CAB39: variants seen among roughly 807,000 people sequenced by gnomAD.
CAB39 encodes calcium binding protein 39.
In CAB39, 8 loss-of-function variants were observed where a neutral mutation model predicts 40.0. The observed-to-expected ratio is 0.20, with a 90% CI of 0.12 to 0.36. The LOEUF is 0.36. Ranked by LOEUF, CAB39 falls within the 10% of genes least tolerant of loss-of-function variation. CAB39 has a pLI of 1.00. For synonymous variants in CAB39, 156 were observed against 141.6 expected (o/e 1.10, Z -0.72); for missense variants, 270 against 401.1 (o/e 0.67, Z 2.79).
chr2:230,782,813 C>CTTTCTTTCTTTCT (rs1286339069), intron 2 of CAB39, among the ~76,000 whole-genome samples: 18 of 81,766 alleles, frequency 2.2e-4, no homozygotes, highest in East Asian at 5.9e-4. Context: ...TTCTTTCTTT[C>CTTTCTTTCTTTCT]TTTTTTTTTT....
At chr2:230,809,716 G>A (rs1172397758) in intron 5 of CAB39, among the ~76,000 whole-genome samples, 1 of 152,118 alleles carries the variant, frequency 6.6e-6, no homozygotes, top group Non-Finnish European at 1.5e-5. Flanking sequence ...CTACGTTATC[G>A]TACCAACATT....
chr2:230,754,318 C>CCTT (rs1288729697), intron 1 of CAB39, among the ~76,000 whole-genome samples: 4 of 149,894 alleles, frequency 2.7e-5, no homozygotes, highest in East Asian at 3.9e-4. Context: ...CTTCCTTCTT[C>CCTT]CTTCTTCCTT....
intron 1 of CAB39, among the ~76,000 whole-genome samples, chr2:230,715,957 A>G (rs1694341869): frequency 1.3e-5 from 2 of 152,190 alleles, no homozygotes; most frequent in South Asian, 2.1e-4. Flanking sequence ...TTGTCCTCCC[A>G]AAGTGCAGGG....
In CAB39 at chr2:230,753,643, A is replaced by C. The variant is rs942068149; in HGVS notation, c.-43-6316A>C. 3.3e-5 allele frequency among the ~76,000 whole-genome samples: 5 copies of C among 151,282 alleles called. No homozygotes were observed. In the East Asian group the frequency reaches 9.8e-4, roughly 30 times the overall value. On this transcript the variant is annotated intron_variant, in intron 1 of 8. Coordinates refer to ENST00000258418, the MANE Select transcript of CAB39 (RefSeq NM_016289.4). ...GTGCCTCTAGTCCCAGCTACTGGGGAGGCTGAGGCAGAATTGCTTGAACCC... is the reference window on the plus strand; with the variant it reads ...GTGCCTCTAGTCCCAGCTACTGGGGCGGCTGAGGCAGAATTGCTTGAACCC...
intron 1 of CAB39, among the ~76,000 whole-genome samples, chr2:230,756,828 G>T (rs1005633254): frequency 3.3e-5 from 5 of 152,076 alleles, no homozygotes; most frequent in Admixed American, 2.6e-4. Flanking sequence ...GAGTAGCTGG[G>T]ATTACAGGCA....
intron 2 of CAB39, among the ~76,000 whole-genome samples, chr2:230,786,163 C>CAA (rs369510604): frequency 0.011 from 819 of 71,506 alleles, 7 homozygotes; most frequent in African/African-American, 0.017. Flanking sequence ...GACTCTGTCT[C>CAA]AAAAAAAAAA....
chr2:230,729,671 T>C (rs1002790907), intron 1 of CAB39, among the ~76,000 whole-genome samples: 32 of 152,010 alleles, frequency 2.1e-4, no homozygotes, highest in African/African-American at 7.7e-4. Flanking sequence ...GAGAACAGCT[T>C]GAACCCGGGA....
At chr2:230,789,308 A>G (rs1695851750) in intron 2 of CAB39, among the ~76,000 whole-genome samples, 1 of 152,016 alleles carries the variant, frequency 6.6e-6, no homozygotes, top group East Asian at 1.9e-4. Context: ...AACTATTTTA[A>G]TGTCCTTATT....
intron 6 of CAB39, among the ~76,000 whole-genome samples, chr2:230,813,779 C>G (rs917481814): frequency 6.6e-6 from 1 of 152,000 alleles, no homozygotes; most frequent in African/African-American, 2.4e-5. Context: ...GCTCTGTCTG[C>G]AGGCCTGGCT....
At chr2:230,720,028 A>G (rs1172769836) in intron 1 of CAB39, among the ~76,000 whole-genome samples, 1 of 152,220 alleles carries the variant, frequency 6.6e-6, no homozygotes, top group African/African-American at 2.4e-5. Context: ...CTTTGTGCTT[A>G]TGAATAAATA....
intron 1 of CAB39, among the ~76,000 whole-genome samples, chr2:230,746,998 G>A (rs965322153): frequency 5.3e-5 from 8 of 152,090 alleles, no homozygotes; most frequent in Non-Finnish European, 8.8e-5. Flanking sequence ...AAAATCTTAC[G>A]GGTATAAGGA....
At chr2:230,800,842 G>A (rs143665704) in intron 5 of CAB39, among the ~76,000 whole-genome samples, 5 of 152,144 alleles carry the variant, frequency 3.3e-5, no homozygotes, top group Admixed American at 6.5e-5. Context: ...AGTGAGTCTC[G>A]TCTGGCCTGG....
intron 1 of CAB39, among the ~76,000 whole-genome samples, chr2:230,725,920 T>C (rs1694561976): frequency 6.6e-6 from 1 of 152,182 alleles, no homozygotes; most frequent in African/African-American, 2.4e-5. Context: ...GCACTTGATG[T>C]TGATTGCCAG....
At chr2:230,809,459 C>G (rs1461781316) in intron 5 of CAB39, among the ~76,000 whole-genome samples, 1 of 152,160 alleles carries the variant, frequency 6.6e-6, no homozygotes, top group Non-Finnish European at 1.5e-5. Context: ...CCAGGCCTTC[C>G]TGCTGTCACT....
chr2:230,747,722 C>A (rs918416968), intron 1 of CAB39, among the ~76,000 whole-genome samples: 2 of 152,106 alleles, frequency 1.3e-5, no homozygotes, highest in Non-Finnish European at 2.9e-5. Flanking sequence ...AAACTTTTGC[C>A]ATATTACTAT....
At chr2:230,803,103 AC>A (rs1696122027) in intron 5 of CAB39, among the ~76,000 whole-genome samples, 1 of 152,214 alleles carries the variant, frequency 6.6e-6, no homozygotes, top group Admixed American at 6.5e-5. Flanking sequence ...GGTTCAACAT[AC>A]GAAAATCAAT....
chr2:230,766,347 TTAA>T (rs1465670878), intron 2 of CAB39, among the ~76,000 whole-genome samples: 1 of 152,096 alleles, frequency 6.6e-6, no homozygotes, highest in Non-Finnish European at 1.5e-5. Flanking sequence ...TACAAGATAA[TTAA>T]TGGGAAAAAT....
intron 1 of CAB39, among the ~76,000 whole-genome samples, chr2:230,748,828 AAAAATATATATATATATATAT>A (rs1262725024): frequency 4.8e-5 from 3 of 62,776 alleles, no homozygotes; most frequent in African/African-American, 2.7e-4. Flanking sequence ...AAAAAAAAAA[AAAAATATATATATATATATAT>A]ATATATATAT....
chr2:230,728,319 A>G (rs1399358371), intron 1 of CAB39, among the ~76,000 whole-genome samples: 1 of 152,086 alleles, frequency 6.6e-6, no homozygotes, highest in Non-Finnish European at 1.5e-5. Flanking sequence ...AAGAACAGCA[A>G]CCTGGTAAGA....
Sources: allele counts gnomAD v4.1 joint callset (sites outside exome capture counted in the v4.1 genomes callset), GRCh38; gene constraint gnomAD v4.1.1; transcripts MANE v1.5; gene names NCBI Gene and HGNC (gene_info 2026-07-23, HGNC 2026-07-21).